SPAG16: variants seen among roughly 807,000 people sequenced by gnomAD.
SPAG16 encodes sperm associated antigen 16, also known as sperm-associated antigen 16 protein.
Under a neutral mutation model 80.4 loss-of-function variants are expected in SPAG16, and 86 were observed. That is an observed-to-expected ratio of 1.07 (90% confidence interval 0.90 to 1.28). SPAG16 has a LOEUF of 1.28. Among genes scored for constraint, SPAG16 ranks in the 50% most tolerant of loss-of-function variants. The probability of loss-of-function intolerance (pLI) is 0.00; values close to 1 mark genes in which losing one functional copy is unlikely to be tolerated. For synonymous variants in SPAG16, 294 were observed against 265.9 expected (o/e 1.11, Z -1.03); for missense variants, 870 against 765.3 (o/e 1.14, Z -1.61).
At chr2:214,162,132 C>T (rs1463825163) in intron 15 of SPAG16, among the ~76,000 whole-genome samples, 1 of 152,078 alleles carries the variant, frequency 6.6e-6, no homozygotes, top group Non-Finnish European at 1.5e-5. Flanking sequence ...TTTCTCGTTC[C>T]CTTATCAGAA....
intron 10 of SPAG16, among the ~76,000 whole-genome samples, chr2:213,688,481 G>A (rs1032779932): frequency 6.6e-6 from 1 of 152,142 alleles, no homozygotes; most frequent in East Asian, 1.9e-4. Flanking sequence ...TCTTTGTCAG[G>A]TAATGTTACA....
chr2:213,788,461 G>T (rs2070480479), intron 10 of SPAG16, among the ~76,000 whole-genome samples: 1 of 151,842 alleles, frequency 6.6e-6, no homozygotes, highest in South Asian at 2.1e-4. Flanking sequence ...TATTGTTTTT[G>T]TGGTAGTGTT....
chr2:213,394,399 C>T (rs1350395142), intron 9 of SPAG16, among the ~76,000 whole-genome samples: 1 of 152,060 alleles, frequency 6.6e-6, no homozygotes, highest in Non-Finnish European at 1.5e-5. Context: ...GCTTTAGATT[C>T]ACATACATAT....
In SPAG16 at chr2:214,014,060, A is replaced by C. The variant is rs544139888; in HGVS notation, c.1510A>C (p.Ile504Leu). 1 of 1,613,040 alleles carries C rather than the reference A, an allele frequency of 6.2e-7. No homozygotes were observed. Among genetic ancestry groups the C allele is most frequent in the Non-Finnish European group, 8.5e-7 (1 of 1,179,602 alleles). ...LTSSADKTLS[I>L]WDARTGICEQ... ...AAGCTCTGCAGACAAGACCCTGTCT[A>C]TATGGGATGCAAGAACAGTAAGCAA... The change falls in exon 13 of 16, where the codon ATA becomes CTA. Residue 504 changes from isoleucine (I) to leucine (L), a missense_variant. Transcript: ENST00000331683.
chr2:213,416,695 AGAG>A (rs1403247986), intron 9 of SPAG16, among the ~76,000 whole-genome samples: 2 of 152,202 alleles, frequency 1.3e-5, no homozygotes, highest in African/African-American at 2.4e-5. Context: ...TGGGGGCTAA[AGAG>A]GAGCGTTTTG....
At chr2:214,402,115 T>C (rs895632587) in intron 15 of SPAG16, among the ~76,000 whole-genome samples, 1 of 151,996 alleles carries the variant, frequency 6.6e-6, no homozygotes, top group Non-Finnish European at 1.5e-5. Context: ...TCTTGATATA[T>C]TAACTAGTGT....
rs1488563152 is a variant in SPAG16, at chr2:213,826,858, A to G, written c.1071-35627A>G. Among the ~76,000 whole-genome samples, 5 of 151,910 alleles carry G rather than the reference A, an allele frequency of 3.3e-5. No homozygotes were observed. In the East Asian group the frequency reaches 9.7e-4, roughly 29 times the overall value. On this transcript the variant is annotated intron_variant, in intron 10 of 15. Transcript: ENST00000331683. ...GGCATTGAAGTCTCTAGCTATTTTT[A>G]TATTGGAGTCTATCTTTTTATCTCT... is the stretch of plus-strand genomic sequence containing the variant.
At position 213,760,490 on chromosome 2, in the gene SPAG16, A is replaced by G. The variant is rs777294667; in HGVS notation, c.1071-101995A>G. ...CACAGTAATAGTTGAAGATGAATAA[A>G]TCACTCTCAATAATGGCTAGAAAAA... On this transcript the variant is annotated intron_variant, in intron 10 of 15. Transcript: ENST00000331683. Among the ~76,000 whole-genome samples, 110 of 144,922 alleles carry G rather than the reference A, an allele frequency of 7.6e-4. 3 individuals carry two copies. The highest frequency in any genetic ancestry group is 3.7e-4 in the Admixed American group (5 of 13,616).
At chr2:213,422,356 C>A (rs1207177442) in intron 9 of SPAG16, 7 of 688,452 alleles carry the variant, frequency 1.0e-5, no homozygotes, top group Middle Eastern at 3.6e-4. Flanking sequence ...AGTGCCTGTG[C>A]CAGTGCCTGG....
At chr2:214,060,158 C>T (rs1363478463) in intron 13 of SPAG16, among the ~76,000 whole-genome samples, 1 of 152,060 alleles carries the variant, frequency 6.6e-6, no homozygotes, top group Non-Finnish European at 1.5e-5. Flanking sequence ...AGTTGATTCT[C>T]CTTAGGAAAA....
Position 214,111,149 on chromosome 2 carries a change from T to C in SPAG16, c.1593+2888T>C, listed in dbSNP as rs547913865. ...CTTTAGTTTAATTAGATCCCATTTG[T>C]CTATTCTGGCTTTTGTTGCCGTTGC... On this transcript the variant is annotated intron_variant, in intron 14 of 15. Coordinates refer to ENST00000331683, the MANE Select transcript of SPAG16 (RefSeq NM_024532.5). Among the ~76,000 whole-genome samples the C allele has an allele frequency of 2.6e-5, 4 of 152,342 alleles. 1 individual carries two copies. The highest frequency in any genetic ancestry group is 7.2e-5 in the African/African-American group (3 of 41,592).
chr2:214,109,754 A>C lies in SPAG16; in HGVS notation c.1593+1493A>C, dbSNP rs183636541. On this transcript the variant is annotated intron_variant, in intron 14 of 15. Transcript: ENST00000331683. ...TTCTGTAGTGAGCCAATTAGTTGGA[A>C]AGTATTATAGATTAGTTCTAGATAC... is the stretch of plus-strand genomic sequence containing the variant. Among the ~76,000 whole-genome samples, 21 of 152,268 alleles carry C rather than the reference A, an allele frequency of 1.4e-4. No homozygotes were observed. In the East Asian group the frequency reaches 3.5e-3, roughly 25 times the overall value.
At chr2:214,116,611 G>A (rs185784433) in intron 14 of SPAG16, among the ~76,000 whole-genome samples, 4 of 152,180 alleles carry the variant, frequency 2.6e-5, no homozygotes, top group Admixed American at 6.5e-5. Flanking sequence ...GTTCCACTGC[G>A]CAGAGACCTG....
At chr2:213,297,418 T>G (rs2062550516) in intron 3 of SPAG16, 61 bp downstream of exon 3, 1 of 1,008,938 alleles carries the variant, frequency 9.9e-7, no homozygotes. Flanking sequence ...ATATGAAGTT[T>G]GGAAAGTCTT....
intron 5 of SPAG16, among the ~76,000 whole-genome samples, chr2:213,323,827 G>A (rs1402529513): frequency 1.3e-5 from 2 of 152,130 alleles, no homozygotes; most frequent in Admixed American, 1.3e-4. Flanking sequence ...AATATGTGAG[G>A]ACATGCATGA....
chr2:213,647,940 G>C (rs898465377), intron 10 of SPAG16, among the ~76,000 whole-genome samples: 1 of 152,166 alleles, frequency 6.6e-6, no homozygotes, highest in African/African-American at 2.4e-5. Context: ...AGGTAGATGT[G>C]TTAGGTTTGA....
intron 15 of SPAG16, among the ~76,000 whole-genome samples, chr2:214,204,956 C>G (rs1019713517): frequency 6.6e-6 from 1 of 152,146 alleles, no homozygotes; most frequent in Admixed American, 6.5e-5. Flanking sequence ...CAGCTGGGCA[C>G]AGTGGCTCAT....
chr2:213,862,224 A>G (rs1446859057), intron 10 of SPAG16, among the ~76,000 whole-genome samples: 1 of 152,214 alleles, frequency 6.6e-6, no homozygotes, highest in Non-Finnish European at 1.5e-5. Flanking sequence ...GATATGCACA[A>G]TCACCTAAAC....
chr2:213,405,536 A>G (rs1249832520), intron 9 of SPAG16, among the ~76,000 whole-genome samples: 2 of 152,214 alleles, frequency 1.3e-5, no homozygotes, highest in Admixed American at 6.5e-5. Flanking sequence ...ATCACAAACT[A>G]TAGTTGCCCT....
Sources: gnomAD v4.1 joint callset for allele counts (sites outside exome capture counted in the v4.1 genomes callset) on GRCh38, gnomAD v4.1.1 for gene constraint, MANE v1.5 for transcripts, NCBI Gene and HGNC (gene_info 2026-07-23, HGNC 2026-07-21) for gene names.